CSMD1: variants seen among roughly 807,000 people sequenced by gnomAD.
CSMD1 encodes the protein CUB and Sushi multiple domains 1, also known as CUB and sushi domain-containing protein 1.
In CSMD1, 213 loss-of-function variants were observed where a neutral mutation model predicts 417.5. The observed-to-expected ratio is 0.51, with a 90% CI of 0.46 to 0.57. The LOEUF is 0.57. Ranked by LOEUF, CSMD1 falls within the 20% of genes least tolerant of loss-of-function variation. The pLI is 0.00. For synonymous variants in CSMD1, 2,862 were observed against 1,736.8 expected (o/e 1.65, Z -16.11); for missense variants, 6,923 against 4,529.7 (o/e 1.53, Z -15.17).
At chr8:4,319,089 T>A (rs1239345100) in intron 3 of CSMD1, among the ~76,000 whole-genome samples, 4 of 152,166 alleles carry the variant, frequency 2.6e-5, no homozygotes, top group African/African-American at 9.7e-5. Flanking sequence ...TCCTCACATA[T>A]ACATGCACAT....
chr8:3,856,286 G>T lies in CSMD1; in HGVS notation c.819-102244C>A, dbSNP rs138051368. ...GCCCATGTAAGACACACCTGCTTCC[G>T]CTTCATCTTCCGCCATGATTGTAAG... is the stretch of plus-strand genomic sequence containing the variant. On this transcript the variant is annotated intron_variant, in intron 5 of 69. Coordinates refer to ENST00000635120, the MANE Select transcript of CSMD1 (RefSeq NM_033225.6). Among the ~76,000 whole-genome samples the T allele has an allele frequency of 2.0e-3, 310 of 152,138 alleles. 1 individual carries two copies. Among genetic ancestry groups the T allele is most frequent in the Non-Finnish European group, 2.1e-3 (143 of 68,028 alleles).
rs150066462 is a variant in CSMD1, at chr8:4,356,604, C to G, written c.415+63349G>C. ...ATTTTTACCTCTATCCTGTAAGCAT[C>G]TTGGCTGTTTTCACTGTGTCTGCTT... On this transcript the variant is annotated intron_variant, in intron 3 of 69. Transcript: ENST00000635120. Among the ~76,000 whole-genome samples, 22 of 152,284 alleles carry G rather than the reference C, an allele frequency of 1.4e-4. No individual in the cohort carries two copies. In the East Asian group the frequency reaches 3.7e-3, roughly 25 times the overall value.
At chr8:3,902,321 G>A (rs1055640561) in intron 5 of CSMD1, among the ~76,000 whole-genome samples, 3 of 152,122 alleles carry the variant, frequency 2.0e-5, no homozygotes, top group Non-Finnish European at 4.4e-5. Context: ...CTATTACCCA[G>A]TAAGGAGTTT....
intron 12 of CSMD1, among the ~76,000 whole-genome samples, chr8:3,434,943 C>A (rs545252194): frequency 6.6e-6 from 1 of 152,310 alleles, no homozygotes; most frequent in African/African-American, 2.4e-5. Context: ...CAGCACAGTT[C>A]CCATGTGCTG....
intron 50 of CSMD1, among the ~76,000 whole-genome samples, chr8:3,034,506 T>C (rs1277446900): frequency 6.6e-6 from 1 of 152,208 alleles, no homozygotes; most frequent in Non-Finnish European, 1.5e-5. Flanking sequence ...AATATATATG[T>C]ATACAAACAC....
intron 5 of CSMD1, among the ~76,000 whole-genome samples, chr8:3,889,562 T>TGC (rs1232028592): frequency 3.4e-5 from 5 of 146,102 alleles, no homozygotes; most frequent in African/African-American, 1.3e-4. Context: ...TGTGTGTCTG[T>TGC]GTGTGTGTAT....
chr8:4,611,367 C>T (rs893225588), intron 2 of CSMD1, among the ~76,000 whole-genome samples: 50 of 152,310 alleles, frequency 3.3e-4, no homozygotes, highest in African/African-American at 1.1e-3. Flanking sequence ...GATGCTGGGT[C>T]TAACTCAGCT....
intron 3 of CSMD1, among the ~76,000 whole-genome samples, chr8:4,195,398 C>G (rs1799272728): frequency 6.6e-6 from 1 of 152,104 alleles, no homozygotes; most frequent in African/African-American, 2.4e-5. Context: ...ATTATAAAAT[C>G]TGTTTGACCC....
Position 2,977,338 on chromosome 8 carries a change from G to A in CSMD1, c.8566+1274C>T, listed in dbSNP as rs1805013927. ...ATGTGTTCAGCTCCTACTTATAAGT[G>A]AGAATTTGTGGTGTTTGGTTTTCTG... On this transcript the variant is annotated intron_variant, in intron 55 of 69. Coordinates refer to ENST00000635120, the MANE Select transcript of CSMD1 (RefSeq NM_033225.6). Among the ~76,000 whole-genome samples the A allele has an allele frequency of 3.3e-5, 5 of 152,172 alleles. No homozygotes were observed. In the South Asian group the frequency reaches 1.0e-3, roughly 32 times the overall value.
intron 1 of CSMD1, among the ~76,000 whole-genome samples, chr8:4,828,494 G>C (rs980024828): frequency 1.3e-5 from 2 of 152,076 alleles, no homozygotes; most frequent in African/African-American, 2.4e-5. Flanking sequence ...GTGTCTTGGG[G>C]TAAGATCCGA....
At chr8:3,904,590 A>T (rs966934495) in intron 5 of CSMD1, among the ~76,000 whole-genome samples, 1 of 151,802 alleles carries the variant, frequency 6.6e-6, no homozygotes, top group African/African-American at 2.4e-5. Context: ...AATTATCTCA[A>T]ATATATTTTT....
chr8:3,458,408 G>A (rs888145090), intron 12 of CSMD1, among the ~76,000 whole-genome samples: 1 of 152,098 alleles, frequency 6.6e-6, no homozygotes, highest in Admixed American at 6.5e-5. Flanking sequence ...GAAATCAAGA[G>A]TCAATGGGTC....
At chr8:4,991,793 C>A (rs561464267) in intron 1 of CSMD1, among the ~76,000 whole-genome samples, 1 of 152,244 alleles carries the variant, frequency 6.6e-6, no homozygotes, top group African/African-American at 2.4e-5. Flanking sequence ...CCGGCGCTGG[C>A]GTCACCAGCC....
In CSMD1 at chr8:4,677,219, T is replaced by C. The variant is rs115835865; in HGVS notation, c.86-39661A>G. 7.7e-3 allele frequency among the ~76,000 whole-genome samples: 1,172 copies of C among 151,284 alleles called. 14 individuals carry two copies. The highest frequency in any genetic ancestry group is 0.027 in the African/African-American group (1,127 of 41,380). ...ATACATAATAGTTCTTAAGTTACTGTAGAAATAATGCTCAGGGAATTTTAG... is the reference window on the plus strand; with the variant it reads ...ATACATAATAGTTCTTAAGTTACTGCAGAAATAATGCTCAGGGAATTTTAG... On this transcript the variant is annotated intron_variant, in intron 1 of 69. Coordinates refer to ENST00000635120, the MANE Select transcript of CSMD1 (RefSeq NM_033225.6).
chr8:3,296,597 G>A (rs1019003939), intron 25 of CSMD1, among the ~76,000 whole-genome samples: 2 of 152,146 alleles, frequency 1.3e-5, no homozygotes, highest in African/African-American at 4.8e-5. Flanking sequence ...CTCTGTCAAC[G>A]TTTTGAGTAA....
chr8:3,462,265 G>C (rs746692788), intron 12 of CSMD1, among the ~76,000 whole-genome samples: 2 of 152,118 alleles, frequency 1.3e-5, no homozygotes, highest in Non-Finnish European at 1.5e-5. Context: ...GCTTCAGTTT[G>C]GAAGACTATA....
intron 1 of CSMD1, among the ~76,000 whole-genome samples, chr8:4,871,781 A>G (rs1044981302): frequency 6.6e-6 from 1 of 152,082 alleles, no homozygotes; most frequent in East Asian, 1.9e-4. Flanking sequence ...GAAACTGTAC[A>G]TTTAGATTGT....
rs1441986756 is a variant in CSMD1 at position 4,313,447 on chromosome 8, T to C, written c.415+106506A>G. The stretch of plus-strand genomic sequence containing the variant: ...GGACCCCTGTGACATTTAATTCTCC[T>C]CTGAAAATGTTAGCAATGCAGGAAC... On this transcript the variant is annotated intron_variant, in intron 3 of 69. Coordinates refer to ENST00000635120, the MANE Select transcript of CSMD1 (RefSeq NM_033225.6). Among the ~76,000 whole-genome samples the C allele has an allele frequency of 3.4e-5, 5 of 148,698 alleles. No homozygotes were observed. In the East Asian group the frequency reaches 8.0e-4, roughly 24 times the overall value.
At chr8:4,283,197 A>T (rs1025782999) in intron 3 of CSMD1, among the ~76,000 whole-genome samples, 4 of 152,216 alleles carry the variant, frequency 2.6e-5, no homozygotes, top group African/African-American at 9.6e-5. Context: ...TAAAAATTAT[A>T]TATGAATATG....
Sources: allele counts gnomAD v4.1 joint callset (sites outside exome capture counted in the v4.1 genomes callset), GRCh38; gene constraint gnomAD v4.1.1; transcripts MANE v1.5; gene names NCBI Gene and HGNC (gene_info 2026-07-23, HGNC 2026-07-21).